MCF2L2: variants seen among roughly 807,000 people sequenced by gnomAD.
MCF2L2 encodes MCF.2 cell line derived transforming sequence-like 2, also known as probable guanine nucleotide exchange factor MCF2L2.
A neutral mutation model predicts 150.2 loss-of-function variants in MCF2L2; 102 were observed. That is an observed-to-expected ratio of 0.68 (90% CI 0.58 to 0.80). The LOEUF (loss-of-function observed/expected upper bound fraction) is 0.80, where lower values mean the gene tolerates loss of function less well. MCF2L2 is among the 30% of genes least tolerant of loss of function. The pLI is 0.00. For synonymous variants in MCF2L2, 465 were observed against 491.3 expected, an observed-to-expected ratio of 0.95 and a Z score of 0.71; for missense variants, 1,256 against 1,372.8, an observed-to-expected ratio of 0.91 and a Z score of 1.34.
intron 13 of MCF2L2, among the ~76,000 whole-genome samples, chr3:183,293,843 T>C (rs1360855805): frequency 2.0e-5 from 3 of 152,172 alleles, no homozygotes; most frequent in African/African-American, 7.2e-5. Context: ...TAATTATATA[T>C]GGTAAATTCC....
At chr3:183,332,384 G>A (rs1467570576) in intron 5 of MCF2L2, among the ~76,000 whole-genome samples, 4 of 147,928 alleles carry the variant, frequency 2.7e-5, no homozygotes, top group Non-Finnish European at 5.9e-5. Context: ...ATTAAAAGCA[G>A]GTCAGGCAGG....
rs148186903 is a variant in MCF2L2 at position 183,289,158 on chromosome 3, G to C, written c.1738C>G (p.Arg580Gly). The part of the protein sequence containing the change: ...EPYTETELNS[R>G]GKEDDETKFE... ...TTAGTCTCATCATCTTCCTTTCCCC[G>C]GGAGTTCAACTCTGTCTCCGTATAA... is the stretch of plus-strand genomic sequence containing the variant. The change falls in exon 14 of 30, where the codon CGG (arginine) becomes GGG (glycine). Residue 580 changes from arginine to glycine, a missense_variant. Physicochemically the swap from Arg to Gly is moderately radical, Grantham distance 125. Transcript: ENST00000328913. The C allele has an allele frequency of 1.2e-6, 2 of 1,613,818 alleles. No homozygotes were observed. Among genetic ancestry groups the C allele is most frequent in the East Asian group, 2.2e-5 (1 of 44,866 alleles).
At chr3:183,362,824 A>G (rs966261060) in intron 3 of MCF2L2, among the ~76,000 whole-genome samples, 1 of 152,178 alleles carries the variant, frequency 6.6e-6, no homozygotes, top group African/African-American at 2.4e-5. Flanking sequence ...AAGGAAGAAA[A>G]AAAGAAAATT....
intron 1 of MCF2L2, among the ~76,000 whole-genome samples, chr3:183,423,725 G>A (rs1479079520): frequency 7.6e-6 from 1 of 132,152 alleles, no homozygotes; most frequent in Non-Finnish European, 1.5e-5. Context: ...CGCAACCTCC[G>A]CCTCCCGGGT....
At chr3:183,426,823 T>C (rs896686624) in intron 1 of MCF2L2, among the ~76,000 whole-genome samples, 2 of 152,252 alleles carry the variant, frequency 1.3e-5, no homozygotes, top group Admixed American at 6.5e-5. Context: ...AGAAACTTTT[T>C]TCTAAACTTG....
At chr3:183,309,536 G>A (rs1729264805) in intron 10 of MCF2L2, among the ~76,000 whole-genome samples, 180 bp downstream of exon 10, 1 of 152,110 alleles carries the variant, frequency 6.6e-6, no homozygotes, top group South Asian at 2.1e-4. Context: ...ACTCTGTGCT[G>A]CCCGTATTAT....
chr3:183,338,698 C>A (rs1381381650), intron 5 of MCF2L2, 102 bp downstream of exon 5: 2 of 1,228,176 alleles, frequency 1.6e-6, no homozygotes, highest in Non-Finnish European at 2.2e-6. Flanking sequence ...CCCTTTTCTC[C>A]CTCTCTACCT....
At chr3:183,372,160 T>C (rs1320243544) in intron 3 of MCF2L2, 2 of 152,116 alleles carry the variant, frequency 1.3e-5, no homozygotes, top group Non-Finnish European at 2.9e-5. Flanking sequence ...CACTTCATAA[T>C]AGTAAGAGGC....
intron 18 of MCF2L2, chr3:183,228,048 A>ACACACACACACACACACAC: frequency 1.8e-5 from 2 of 112,550 alleles, no homozygotes; most frequent in Admixed American, 1.9e-4. Context: ...CACACACACA[A>ACACACACACACACACACAC]TGGTAATGAA....
At chr3:183,311,119 C>T (rs1729358544) in intron 8 of MCF2L2, 90 bp from the exon 9 acceptor site, 2 of 713,912 alleles carry the variant, frequency 2.8e-6, no homozygotes, top group Admixed American at 4.8e-5. Context: ...CCTGTGTCTT[C>T]GGTCAGTGGT....
chr3:183,363,603 A>C (rs1281521723), intron 3 of MCF2L2, among the ~76,000 whole-genome samples: 1 of 152,168 alleles, frequency 6.6e-6, no homozygotes, highest in East Asian at 1.9e-4. Context: ...AGCCAGGCAT[A>C]ATGGTGCATG....
intron 3 of MCF2L2, among the ~76,000 whole-genome samples, chr3:183,361,512 T>C (rs1712203572): frequency 6.6e-6 from 1 of 152,194 alleles, no homozygotes; most frequent in Non-Finnish European, 1.5e-5. Flanking sequence ...GCACCTCCCC[T>C]ATCACTCTCT....
intron 15 of MCF2L2, among the ~76,000 whole-genome samples, chr3:183,273,878 A>T (rs1035160769): frequency 1.3e-5 from 2 of 152,144 alleles, no homozygotes; most frequent in Non-Finnish European, 2.9e-5. Flanking sequence ...AGGTTCTCGT[A>T]TGTATAACCT....
chr3:183,320,694 A>G (rs1239882318), intron 6 of MCF2L2, among the ~76,000 whole-genome samples: 2 of 152,146 alleles, frequency 1.3e-5, no homozygotes, highest in East Asian at 3.9e-4. Context: ...CAAGAAGGCT[A>G]TTTTGCTTTC....
rs910615764 is a variant in MCF2L2, at chr3:183,268,789, C to T, written c.1862+8083G>A. Among the ~76,000 whole-genome samples, 67 of 152,260 alleles carry T rather than the reference C, an allele frequency of 4.4e-4. 1 individual carries two copies. The highest frequency in any genetic ancestry group is 1.5e-3 in the African/African-American group (64 of 41,516). ...TACAAGAAACCGTAAGTGGCTAAGG[C>T]GGCATTGGTGTTCAAATTGCCTGAC... On this transcript the variant is annotated intron_variant, in intron 15 of 29. Coordinates refer to ENST00000328913, the MANE Select transcript of MCF2L2 (RefSeq NM_015078.4).
At chr3:183,423,640 T>TG (rs1429463912) in intron 1 of MCF2L2, among the ~76,000 whole-genome samples, 24 of 123,958 alleles carry the variant, frequency 1.9e-4, no homozygotes, top group Non-Finnish European at 2.8e-4. Context: ...TTGTTTTTTT[T>TG]TTTTTTTTTT....
In MCF2L2 at chr3:183,276,931, A is replaced by C. The variant is rs1727192250; in HGVS notation, c.1803T>G (p.His601Gln). 1.2e-6 allele frequency: 2 copies of C among 1,609,674 alleles called. No individual in the cohort carries two copies. The highest frequency in any genetic ancestry group is 1.7e-5 in the Admixed American group (1 of 59,660). The change falls in exon 15 of 30, where the codon CAT (histidine) becomes CAG (glutamine). Residue 601 changes from histidine to glutamine, a missense_variant. Transcript: ENST00000328913. The stretch of plus-strand genomic sequence containing the variant: ...GCTCCAGCTCAGGGTTCCCCCTTTC[A>C]TGATGGCTTTCAAAGATTTCTTCAC... ...VKSEEIFESH[H>Q]ERGNPELEQQ...
At chr3:183,186,902 G>C (rs1352655326) in intron 27 of MCF2L2, among the ~76,000 whole-genome samples, 1 of 152,158 alleles carries the variant, frequency 6.6e-6, no homozygotes, top group Non-Finnish European at 1.5e-5. Flanking sequence ...AGATATTAAT[G>C]GTGATTATAT....
chr3:183,271,652 TG>T (rs1726793797), intron 15 of MCF2L2: 1 of 166,952 alleles, frequency 6.0e-6, no homozygotes, highest in Non-Finnish European at 1.5e-5. Flanking sequence ...TATTAGAAAA[TG>T]ACACATAACA....
Sources: allele counts gnomAD v4.1 joint callset (sites outside exome capture counted in the v4.1 genomes callset), GRCh38; gene constraint gnomAD v4.1.1; transcripts MANE v1.5; gene names NCBI Gene and HGNC (gene_info 2026-07-23, HGNC 2026-07-21).